Variants in MATN2 observed in about 807,000 individuals in gnomAD.
The protein encoded by MATN2 is matrilin 2, also known as matrilin-2.
MATN2 carries 69 observed loss-of-function variants against 103.2 expected under a neutral mutation model. The ratio of observed to expected loss-of-function variants is 0.67; its 90% CI spans 0.55 to 0.82. MATN2 has a LOEUF of 0.82. Among genes scored for constraint, MATN2 ranks in the 40% least tolerant of loss-of-function variants. The pLI is 0.00. For missense variants in MATN2, 1,023 were observed against 1,211.5 expected (o/e 0.84, Z 2.31); for synonymous variants, 429 against 450.2 (o/e 0.95, Z 0.60).
rs116642780 is a variant in MATN2, at chr8:97,882,581, T to C, written c.-26-5494T>C. On this transcript the variant is annotated intron_variant, in intron 1 of 18. Coordinates refer to ENST00000254898, the MANE Select transcript of MATN2 (RefSeq NM_002380.5). Reference sequence around the variant, plus strand: ...CCATGTCTGGCTAATTTTTGTATGTTTTGTAGCGATGGGATTTCGCCATGT... The same window carrying C: ...CCATGTCTGGCTAATTTTTGTATGTCTTGTAGCGATGGGATTTCGCCATGT... Among the ~76,000 whole-genome samples the C allele has an allele frequency of 8.9e-3, 1,360 of 152,080 alleles. 15 individuals carry two copies. Among genetic ancestry groups the C allele is most frequent in the African/African-American group, 0.031 (1,273 of 41,484 alleles).
chr8:97,931,572 T>C lies in MATN2; in HGVS notation c.712+50T>C, dbSNP rs552622098. The C allele has an allele frequency of 1.6e-5, 23 of 1,479,190 alleles. No homozygotes were observed. In the African/African-American group the frequency reaches 2.5e-4, roughly 16 times the overall value. 91.6% of individuals were successfully genotyped at this position (1,479,190 alleles called of 1,614,324 possible). ...TTCTAGAGGAACCACTAGAATTCAT[T>C]CATTCATCTTCAAGTGTTCATTCTG... is the stretch of plus-strand genomic sequence containing the variant. On this transcript the variant is annotated intron_variant, in intron 3 of 18. Transcript: ENST00000254898. This position sits in a 1 kb window ranked among gnomAD's most constrained non-coding sequence, Gnocchi z 4.1.
Position 97,990,225 on chromosome 8 carries a change from G to A in MATN2, c.1082-4255G>A, listed in dbSNP as rs117046175. Among the ~76,000 whole-genome samples the A allele has an allele frequency of 8.2e-4, 123 of 149,352 alleles. 3 individuals are homozygous for A. In the East Asian group the frequency reaches 0.02, roughly 24 times the overall value. On this transcript the variant is annotated intron_variant, in intron 6 of 18. Coordinates refer to ENST00000254898, the MANE Select transcript of MATN2 (RefSeq NM_002380.5). ...AAAGACAAGCCACTCAATAAAAATGGGAAAAATATTTGAATAGAAACTTCA... is the reference window on the plus strand; with the variant it reads ...AAAGACAAGCCACTCAATAAAAATGAGAAAAATATTTGAATAGAAACTTCA...
Position 98,035,774 on chromosome 8 carries a change from G to C in MATN2, c.*62G>C. 9.6e-7 allele frequency: 1 copy of C among 1,039,846 alleles called. No individual in the cohort carries two copies. The highest frequency in any genetic ancestry group is 1.6e-5 in the African/African-American group (1 of 62,950). 64.4% of individuals were successfully genotyped at this position (1,039,846 alleles called of 1,614,324 possible). ...CACGGATTACAATGAACGCAGTGCA[G>C]AGCCCCAAAGCTCAGGCTATTGTTA... On this transcript the variant is annotated 3_prime_UTR_variant, in exon 19 of 19. Coordinates refer to ENST00000254898, the MANE Select transcript of MATN2 (RefSeq NM_002380.5).
chr8:97,931,178 C>G lies in MATN2; in HGVS notation c.368C>G (p.Ala123Gly), dbSNP rs372409910. 5 of 1,613,266 alleles carry G rather than the reference C, an allele frequency of 3.1e-6. No individual in the cohort carries two copies. In the African/African-American group the frequency reaches 6.7e-5, roughly 22 times the overall value. The change falls in exon 3 of 19, where the codon GCT becomes GGT. Residue 123 changes from alanine (A) to glycine (G), a missense_variant. By Grantham distance (60) the Ala-to-Gly change is moderately conservative (BLOSUM62 0). Transcript: ENST00000254898. This position sits in a 1 kb window ranked among gnomAD's most constrained non-coding sequence, Gnocchi z 4.1. ...TFKRKSEVER[A>G]VKRMRHLSTG... ...AAGAGGAAGTCCGAGGTGGAGCGTG[C>G]TGTCAAGAGGATGCGGCATCTGTCC...
intron 1 of MATN2, 94 bp from the exon 2 acceptor site, chr8:97,887,981 T>C (rs753613878): frequency 8.1e-7 from 1 of 1,238,646 alleles, no homozygotes; most frequent in Non-Finnish European, 1.1e-6. Context: ...CTGTTTGAAC[T>C]CTGAAAAGGC....
intron 4 of MATN2, among the ~76,000 whole-genome samples, chr8:97,956,668 A>G (rs1326296891): frequency 1.3e-5 from 2 of 152,112 alleles, no homozygotes; most frequent in African/African-American, 4.8e-5. Context: ...CCCAGCCCTC[A>G]ATTTGATCCT....
intron 1 of MATN2, among the ~76,000 whole-genome samples, chr8:97,876,760 C>A (rs990902515): frequency 6.6e-6 from 1 of 152,252 alleles, no homozygotes; most frequent in Non-Finnish European, 1.5e-5. Flanking sequence ...CCCAGAATCC[C>A]CGCTCAGGCT....
rs572214455 is a variant in MATN2 at position 97,926,493 on chromosome 8, A to G, written c.143-4460A>G. Among the ~76,000 whole-genome samples, 87 of 152,336 alleles carry G rather than the reference A, an allele frequency of 5.7e-4. No individual in the cohort carries two copies. The South Asian group carries it at 0.017, about 30-fold the overall frequency. ...TGATAATTTCCTAAGGGTGCCTGCC[A>G]TGAGACGATGGAAAGGGCATCAGGT... On this transcript the variant is annotated intron_variant, in intron 2 of 18. Coordinates refer to ENST00000254898, the MANE Select transcript of MATN2 (RefSeq NM_002380.5).
chr8:98,035,583 C>T (rs930151394), intron 18 of MATN2, 74 bp from the exon 19 acceptor site: 20 of 909,846 alleles, frequency 2.2e-5, no homozygotes, highest in Admixed American at 8.7e-5. Context: ...CAAAATTTTA[C>T]GTGGATAAAT....
rs1196568556 is a variant in MATN2, at chr8:98,027,955, C to T, written c.2356+126C>T. 3.3e-6 allele frequency: 3 copies of T among 904,494 alleles called. No homozygotes were observed. The South Asian group carries it at 7.2e-5, about 22-fold the overall frequency. The allele number at this position is 904,494 out of a possible 1,614,324, so 56.0% of individuals were successfully genotyped here. A position where few individuals can be genotyped will look rare whatever the true frequency, so the allele number is the denominator to read the frequency against. ...TACAGAAAGGCCTCCTGGCAACTGC[C>T]ATTATACATCTTTACTACCCTGCCA... On this transcript the variant is annotated intron_variant, in intron 14 of 18. Coordinates refer to ENST00000254898, the MANE Select transcript of MATN2 (RefSeq NM_002380.5).
At chr8:97,933,819 G>A (rs1243647534) in intron 3 of MATN2, among the ~76,000 whole-genome samples, 2 of 152,146 alleles carry the variant, frequency 1.3e-5, no homozygotes. Context: ...AGCAGACTCA[G>A]CAGCCGTCTT....
chr8:97,973,659 T>C (rs1349230709), intron 5 of MATN2, among the ~76,000 whole-genome samples: 1 of 149,968 alleles, frequency 6.7e-6, no homozygotes, highest in Admixed American at 6.7e-5. Flanking sequence ...AGCCTCAATC[T>C]CCCAAACTCA....
At chr8:97,991,122 T>C (rs575655478) in intron 6 of MATN2, among the ~76,000 whole-genome samples, 2 of 152,334 alleles carry the variant, frequency 1.3e-5, no homozygotes, top group African/African-American at 4.8e-5. Context: ...ATCACTATCC[T>C]ATGGGACACT....
At chr8:97,994,357 G>A in intron 6 of MATN2, 123 bp from the exon 7 acceptor site, 2 of 1,006,554 alleles carry the variant, frequency 2.0e-6, no homozygotes, top group Non-Finnish European at 2.9e-6. Context: ...ACCCCTTCAT[G>A]GTGTGACTCT....
intron 12 of MATN2, among the ~76,000 whole-genome samples, chr8:98,020,839 G>GT (rs1813564862): frequency 1.3e-5 from 2 of 152,204 alleles, no homozygotes; most frequent in African/African-American, 4.8e-5. Flanking sequence ...TTAAAGGGCT[G>GT]TAAGTACTTC....
In MATN2 at chr8:98,036,439, A is replaced by G. The variant is rs1814251767; in HGVS notation, c.*727A>G. 1 of 147,394 alleles carries G rather than the reference A, an allele frequency of 6.8e-6. No individual in the cohort carries two copies. Among genetic ancestry groups the G allele is most frequent in the South Asian group, 2.1e-4 (1 of 4,826 alleles). The allele number at this position is 147,394 out of a possible 1,614,324, so 9.1% of individuals were successfully genotyped here. A position where few individuals can be genotyped will look rare whatever the true frequency, so the allele number is the denominator to read the frequency against. ...TGTGAGGTTCTTGTAGTAAGAATGC[A>G]AATGGCACTCTTTGTAGAGTAAGTC... is the stretch of plus-strand genomic sequence containing the variant. On this transcript the variant is annotated 3_prime_UTR_variant, in exon 19 of 19. Transcript: ENST00000254898.
chr8:97,954,765 G>A (rs1424607271), intron 4 of MATN2, among the ~76,000 whole-genome samples: 4 of 152,256 alleles, frequency 2.6e-5, no homozygotes, highest in Non-Finnish European at 5.9e-5. Context: ...GCAGATGCTA[G>A]ATATTTGAAC....
intron 1 of MATN2, among the ~76,000 whole-genome samples, chr8:97,885,209 A>G (rs550958573): frequency 2.8e-4 from 42 of 152,354 alleles, no homozygotes; most frequent in Admixed American, 4.6e-4. Flanking sequence ...AGCATGTTGT[A>G]TACATTTTGA....
chr8:97,891,658 A>G (rs571429367), intron 2 of MATN2, among the ~76,000 whole-genome samples: 8 of 152,156 alleles, frequency 5.3e-5, no homozygotes, highest in Non-Finnish European at 8.8e-5. Context: ...AAGGATCCCA[A>G]ATAACTTTTG....
Sources: gnomAD v4.1 joint callset for allele counts (sites outside exome capture counted in the v4.1 genomes callset) on GRCh38, gnomAD v4.1.1 for gene constraint, Gnocchi (gnomAD v3.1) non-coding constraint, MANE v1.5 for transcripts, NCBI Gene and HGNC (gene_info 2026-07-23, HGNC 2026-07-21) for gene names.